ATG16L2: variants seen among roughly 807,000 people sequenced by gnomAD.
ATG16L2 encodes protein Atg16l2.
ATG16L2 carries 77 observed loss-of-function variants against 84.7 expected under a neutral mutation model. The observed-to-expected ratio is 0.91, with a 90% CI of 0.76 to 1.10. The LOEUF (loss-of-function observed/expected upper bound fraction) is 1.10. ATG16L2 is among the 50% of genes least tolerant of loss of function. The pLI, the probability that ATG16L2 is intolerant of heterozygous loss-of-function variation, is 0.00. For missense variants in ATG16L2, 782 were observed against 817.6 expected (o/e 0.96, Z 0.53); for synonymous variants, 361 against 342.8 (o/e 1.05, Z -0.59).
Position 72,826,557 on chromosome 11 carries a change from CA to C in ATG16L2, c.1214del (p.Gln405ArgfsTer21). 1 of 1,614,156 alleles carries C rather than the reference CA, an allele frequency of 6.2e-7. No individual in the cohort carries two copies. Among genetic ancestry groups the C allele is most frequent in the Non-Finnish European group, 8.5e-7 (1 of 1,180,030 alleles). ...AGCAGCAACTTACAACCAGGCTGCC[CA>C]GCTCTGGAAGGTGGGGGAGGCACAG... is the stretch of plus-strand genomic sequence containing the variant. ...VLAATYNQAA[Q>X]LWKVGEAQSK... On this transcript the variant is annotated frameshift_variant, in exon 12 of 18. Transcript: ENST00000321297. LOFTEE classifies it high-confidence loss of function.
At chr11:72,824,242 G>A in intron 8 of ATG16L2, 120 bp downstream of exon 8, 24 of 1,274,754 alleles carry the variant, frequency 1.9e-5, no homozygotes, top group Non-Finnish European at 2.7e-5. Context: ...CTGCCTGTGA[G>A]TCTGTTGGGC....
chr11:72,842,028 G>A (rs1327736466), intron 5 of ATG16L2, among the ~76,000 whole-genome samples: 2 of 152,176 alleles, frequency 1.3e-5, no homozygotes, highest in Non-Finnish European at 2.9e-5. Context: ...AACAAGATCG[G>A]CAAACACGTT....
Position 72,828,978 on chromosome 11 carries a change from C to T in ATG16L2, c.1766C>T (p.Pro589Leu). 1 of 1,614,034 alleles carries T rather than the reference C, an allele frequency of 6.2e-7. No homozygotes were observed. Among genetic ancestry groups the T allele is most frequent in the African/African-American group, 1.3e-5 (1 of 75,008 alleles). ...AAACTGGAGAGCAGACTACAGGGAC[C>T]CCATTGGTGAGCATGGCCTCCACCT... ...TGKLESRLQG[P>L]HCAAVNAVAW... The change falls in exon 17 of 18, where the codon CCC becomes CTC. Residue 589 changes from proline (P) to leucine (L), a missense_variant. By Grantham distance (98) the Pro-to-Leu change is moderately conservative (BLOSUM62 -3). Coordinates refer to ENST00000321297, the MANE Select transcript of ATG16L2 (RefSeq NM_033388.2).
chr11:72,824,207 G>T (rs1312506580), intron 8 of ATG16L2, 85 bp downstream of exon 8: 2 of 1,515,966 alleles, frequency 1.3e-6, no homozygotes, highest in East Asian at 4.5e-5. Context: ...GCCTCGACCT[G>T]TCCATCCCTG....
rs775912740 is a variant in ATG16L2 at position 72,828,481 on chromosome 11, G to C, written c.1595G>C (p.Arg532Pro). ...RDNTLKVIDLRVSNIRQVFRA... is the reference protein window; with the variant it reads ...RDNTLKVIDLPVSNIRQVFRA... ...AACACACTCAAGGTCATCGACCTGC[G>C]TGTCAGCAACATCCGCCAGGTGTTC... The change falls in exon 15 of 18, where the codon CGT becomes CCT. Residue 532 changes from arginine (R) to proline (P), a missense_variant. Transcript: ENST00000321297. 1 of 1,614,064 alleles carries C rather than the reference G, an allele frequency of 6.2e-7. No individual in the cohort carries two copies. Among genetic ancestry groups the C allele is most frequent in the African/African-American group, 1.3e-5 (1 of 74,928 alleles).
chr11:72,841,394 C>A, intron 5 of ATG16L2: 2 of 1,079,284 alleles, frequency 1.9e-6, no homozygotes, highest in Non-Finnish European at 2.7e-6. Context: ...GCCCTTCAGG[C>A]GAATATGTAG....
chr11:72,829,197 G>A (rs1860535666), intron 17 of ATG16L2, 106 bp from the exon 18 acceptor site: 2 of 1,290,794 alleles, frequency 1.5e-6, no homozygotes, highest in African/African-American at 1.5e-5. Flanking sequence ...GAGGAAACAG[G>A]CTCAAGAGAG....
intron 5 of ATG16L2, chr11:72,841,395 G>C: frequency 6.8e-7 from 1 of 1,465,926 alleles, no homozygotes; most frequent in African/African-American, 1.4e-5. Flanking sequence ...CCCTTCAGGC[G>C]AATATGTAGG....
intron 3 of ATG16L2, among the ~76,000 whole-genome samples, chr11:72,819,574 C>T (rs1016822747): frequency 2.6e-5 from 4 of 152,130 alleles, no homozygotes; most frequent in Admixed American, 6.5e-5. Flanking sequence ...CTGGCTCCCC[C>T]GTCGAGCTCC....
chr11:72,823,623 A>G (rs1860149209), intron 7 of ATG16L2: 2 of 432,802 alleles, frequency 4.6e-6, no homozygotes, highest in Non-Finnish European at 9.3e-6. Context: ...GCCAGTCCCC[A>G]AAGTCCTTGG....
At chr11:72,825,787 A>G (rs552637011) in intron 10 of ATG16L2, among the ~76,000 whole-genome samples, 12 of 152,234 alleles carry the variant, frequency 7.9e-5, no homozygotes, top group Non-Finnish European at 1.6e-4. Context: ...AGAGACAAGT[A>G]TGAACTGTTG....
chr11:72,838,633 C>A, intron 5 of ATG16L2: 1 of 604,698 alleles, frequency 1.7e-6, no homozygotes, highest in Non-Finnish European at 2.9e-6. Flanking sequence ...ATATTCAAAA[C>A]GTGGGAGGAG....
chr11:72,814,673 A>C, intron 1 of ATG16L2, 110 bp downstream of exon 1: 2 of 856,372 alleles, frequency 2.3e-6, no homozygotes, highest in Non-Finnish European at 3.5e-6. Flanking sequence ...GCTGTGCCTT[A>C]TGCCTTGAGC....
At position 72,841,354 on chromosome 11, in the gene ATG16L2, A is replaced by AT; in HGVS notation, c.*22-1263_*22-1262insT. On this transcript the variant is annotated intron_variant, in intron 5 of 5. Coordinates refer to the ATG16L2 transcript ENST00000534905. ...GACTCTGTCTCCAAAAAAAAAAAAA[A>AT]AAAAAAAAAAGCAAATGCAGTTTTT... is the stretch of plus-strand genomic sequence containing the variant. The AT allele has an allele frequency of 4.4e-6, 5 of 1,138,146 alleles. No individual in the cohort carries two copies. The Admixed American group carries it at 1.4e-4, about 32-fold the overall frequency. The allele number at this position is 1,138,146 out of a possible 1,614,324, so 70.5% of individuals were successfully genotyped here. A position where few individuals can be genotyped will look rare whatever the true frequency, so the allele number is the denominator to read the frequency against.
Position 72,822,846 on chromosome 11 carries a change from A to G in ATG16L2, c.711-2A>G, listed in dbSNP as rs373581172. The G allele has an allele frequency of 6.4e-7, 1 of 1,551,122 alleles. No individual in the cohort carries two copies. Among genetic ancestry groups the G allele is most frequent in the Non-Finnish European group, 8.7e-7 (1 of 1,146,834 alleles). On this transcript the variant is annotated splice_acceptor_variant, in intron 6 of 17. Transcript: ENST00000321297. LOFTEE classifies it high-confidence loss of function. This position sits in a 1 kb window ranked among gnomAD's most constrained non-coding sequence, Gnocchi z 4.2. ...CTTTCTGAACTTCATTACCTCTCCT[A>G]GGGGCCCGGACACCCTAGGCGATGG... is the stretch of plus-strand genomic sequence containing the variant.
intron 5 of ATG16L2, chr11:72,838,805 T>C (rs1860811828): frequency 6.2e-7 from 1 of 1,604,464 alleles, no homozygotes; most frequent in Non-Finnish European, 8.5e-7. Flanking sequence ...ACCAGTGTGA[T>C]TTCCACATCT....
chr11:72,818,492 C>T (rs1427983729), intron 3 of ATG16L2: 1 of 152,342 alleles, frequency 6.6e-6, no homozygotes, highest in Non-Finnish European at 1.5e-5. Flanking sequence ...GCCTTCTTTT[C>T]TGAGCTTGAC....
chr11:72,822,636 A>G lies in ATG16L2; in HGVS notation c.710+93A>G, dbSNP rs1860080313. ...CAGGCTGCCGACTGTACTTGTGCAC[A>G]GCCCCGTCCTGAGGCCCCCATGTGG... is the stretch of plus-strand genomic sequence containing the variant. On this transcript the variant is annotated intron_variant, in intron 6 of 17. Transcript: ENST00000321297. This position sits in a 1 kb window ranked among gnomAD's most constrained non-coding sequence, Gnocchi z 4.2. The G allele has an allele frequency of 1.3e-5, 19 of 1,503,692 alleles. No homozygotes were observed. Among genetic ancestry groups the G allele is most frequent in the South Asian group, 9.6e-5 (8 of 83,002 alleles). The allele number at this position is 1,503,692 out of a possible 1,614,324, so 93.1% of individuals were successfully genotyped here. A position where few individuals can be genotyped will look rare whatever the true frequency, so the allele number is the denominator to read the frequency against.
In ATG16L2 at chr11:72,826,217, A is replaced by G; in HGVS notation, c.1147A>G (p.Ile383Val). ...GACCCTGGAGGGAGCTGGTGGCAGC[A>G]TCACCAGTGTGGACTTTGACCCCTC... ...NQTLEGAGGSITSVDFDPSGY... is the reference protein window; with the variant it reads ...NQTLEGAGGSVTSVDFDPSGY... The change falls in exon 11 of 18, where the codon ATC becomes GTC. Residue 383 changes from isoleucine to valine, a missense_variant. Transcript: ENST00000321297. 1 of 1,613,996 alleles carries G rather than the reference A, an allele frequency of 6.2e-7. No individual in the cohort carries two copies. Among genetic ancestry groups the G allele is most frequent in the Non-Finnish European group, 8.5e-7 (1 of 1,179,946 alleles).
Sources: gnomAD v4.1 joint callset for allele counts (sites outside exome capture counted in the v4.1 genomes callset) on GRCh38, gnomAD v4.1.1 for gene constraint, Gnocchi (gnomAD v3.1) non-coding constraint, MANE v1.5 for transcripts, NCBI Gene and HGNC (gene_info 2026-07-23, HGNC 2026-07-21) for gene names.